Variants in TRDN observed in about 807,000 individuals in gnomAD.
The protein encoded by TRDN is triadin, also known as triadin in skeletal muscle.
A neutral mutation model predicts 149.7 loss-of-function variants in TRDN; 161 were observed. The ratio of observed to expected loss-of-function variants is 1.08; its 90% confidence interval spans 0.95 to 1.23. The LOEUF is 1.23. TRDN is among the 50% of genes most tolerant of loss of function. The pLI is 0.00. For missense variants in TRDN, 896 were observed against 823.5 expected (o/e 1.09, Z -1.08); for synonymous variants, 294 against 250.5 (o/e 1.17, Z -1.64).
chr6:123,359,561 T>G (rs920128632), intron 20 of TRDN, among the ~76,000 whole-genome samples: 1 of 152,076 alleles, frequency 6.6e-6, no homozygotes, highest in Admixed American at 6.6e-5. Flanking sequence ...TAGAAGACAA[T>G]GAAGGCTTGA....
intron 30 of TRDN, among the ~76,000 whole-genome samples, chr6:123,270,450 A>G (rs1777168265): frequency 6.6e-6 from 1 of 151,842 alleles, no homozygotes; most frequent in African/African-American, 2.4e-5. Flanking sequence ...TTTTGGAATG[A>G]TTATTAGTAA....
intron 1 of TRDN, among the ~76,000 whole-genome samples, chr6:123,572,367 A>G (rs1477497516): frequency 6.6e-6 from 1 of 151,918 alleles, no homozygotes; most frequent in Non-Finnish European, 1.5e-5. Flanking sequence ...TTTTAATGCT[A>G]TTTTAATATA....
chr6:123,358,553 C>T (rs1443667390), intron 20 of TRDN, among the ~76,000 whole-genome samples: 1 of 152,080 alleles, frequency 6.6e-6, no homozygotes, highest in Non-Finnish European at 1.5e-5. Context: ...CAACCTCTGC[C>T]TTCTGGGTTC....
chr6:123,626,511 T>G (rs1438841509), intron 1 of TRDN, among the ~76,000 whole-genome samples: 1 of 152,048 alleles, frequency 6.6e-6, no homozygotes, highest in East Asian at 1.9e-4. Flanking sequence ...CTTCATCCAT[T>G]CAAGTTTAAT....
At chr6:123,614,926 T>C (rs1236099511) in intron 1 of TRDN, among the ~76,000 whole-genome samples, 1 of 152,068 alleles carries the variant, frequency 6.6e-6, no homozygotes, top group African/African-American at 2.4e-5. Flanking sequence ...GTCCAGAATA[T>C]ACAAGAAACT....
intron 7 of TRDN, 66 bp from the exon 8 acceptor site, chr6:123,503,967 T>C (rs1441301476): frequency 3.4e-6 from 5 of 1,455,058 alleles, no homozygotes; most frequent in Non-Finnish European, 4.5e-6. Flanking sequence ...TCATCTGTAC[T>C]ATGTCATTAA....
At chr6:123,536,690 T>TAAATAAAC (rs1445299553) in intron 4 of TRDN, among the ~76,000 whole-genome samples, 3 of 128,632 alleles carry the variant, frequency 2.3e-5, no homozygotes, top group Non-Finnish European at 5.0e-5. Flanking sequence ...ATCTCTACAA[T>TAAATAAAC]AAATAAATAA....
chr6:123,503,784 G>A lies in TRDN; in HGVS notation c.728C>T (p.Thr243Ile), dbSNP rs769684583. The change falls in exon 8 of 41, where the codon ACA becomes ATA. Residue 243 changes from threonine (T) to isoleucine (I), a missense_variant. Transcript: ENST00000334268. Reference protein sequence around the residue: ...TAAKVKEVQKTPSKPKEKEDK... With the variant: ...TAAKVKEVQKIPSKPKEKEDK... ...CTCCTTTTCTTTGGGTTTTGATGGT[G>A]TTTTCTGTACTTCTTTTACTTTTGC... is the stretch of plus-strand genomic sequence containing the variant. The A allele has an allele frequency of 1.1e-4, 170 of 1,613,108 alleles. 1 individual carries two copies. In the Admixed American group the frequency reaches 2.8e-3, roughly 26 times the overall value.
At chr6:123,299,630 T>C (rs998729243) in intron 24 of TRDN, among the ~76,000 whole-genome samples, 5 of 152,056 alleles carry the variant, frequency 3.3e-5, no homozygotes, top group African/African-American at 1.2e-4. Context: ...TTATTAAGTA[T>C]CAAGCCTCTT....
chr6:123,350,757 A>C lies in TRDN; in HGVS notation c.1369+1782T>G. Reference sequence around the variant, plus strand: ...TGAGGCCATTGTCATACAATATTTAAAATTGAAATGATTTACCAAGTCAAT... The same window carrying C: ...TGAGGCCATTGTCATACAATATTTACAATTGAAATGATTTACCAAGTCAAT... On this transcript the variant is annotated intron_variant, in intron 21 of 40. Coordinates refer to ENST00000334268, the MANE Select transcript of TRDN (RefSeq NM_006073.4). The C allele has an allele frequency of 3.2e-6, 3 of 935,056 alleles. No homozygotes were observed. In the African/African-American group the frequency reaches 5.3e-5, roughly 17 times the overall value. The allele number at this position is 935,056 out of a possible 1,614,324, so 57.9% of individuals were successfully genotyped here.
At chr6:123,383,178 A>G (rs1781782965) in intron 14 of TRDN, among the ~76,000 whole-genome samples, 6 of 152,052 alleles carry the variant, frequency 3.9e-5, no homozygotes, top group Admixed American at 3.9e-4. Flanking sequence ...CATGATGAAG[A>G]AAGGGAACTA....
At chr6:123,559,977 C>T (rs1326858203) in intron 2 of TRDN, among the ~76,000 whole-genome samples, 2 of 152,192 alleles carry the variant, frequency 1.3e-5, no homozygotes, top group African/African-American at 4.8e-5. Context: ...ATTACCTGGG[C>T]TGTACTGCCA....
At position 123,347,826 on chromosome 6, in the gene TRDN, T is replaced by A. The variant is rs78053621; in HGVS notation, c.1369+4713A>T. On this transcript the variant is annotated intron_variant, in intron 21 of 40. Transcript: ENST00000334268. ...AAAAAGGCAGTGCAAGGCAAATAAG[T>A]AGCCCAGTCACAGAACAAATGATTG... 1.7e-3 allele frequency among the ~76,000 whole-genome samples: 265 copies of A among 152,220 alleles called. 1 individual carries two copies. The highest frequency in any genetic ancestry group is 6.1e-3 in the African/African-American group (253 of 41,566).
intron 38 of TRDN, among the ~76,000 whole-genome samples, chr6:123,240,017 T>A (rs1461256624): frequency 6.6e-6 from 1 of 151,800 alleles, no homozygotes; most frequent in African/African-American, 2.4e-5. Context: ...AAGTAAAAAA[T>A]TTCAGAGTAT....
chr6:123,417,454 T>C (rs1330796783), intron 12 of TRDN, among the ~76,000 whole-genome samples: 1 of 152,204 alleles, frequency 6.6e-6, no homozygotes, highest in East Asian at 1.9e-4. Context: ...CTGGTAGCAA[T>C]GTATATAAAT....
chr6:123,467,127 C>T (rs1320448930), intron 9 of TRDN, among the ~76,000 whole-genome samples: 1 of 151,902 alleles, frequency 6.6e-6, no homozygotes, highest in African/African-American at 2.4e-5. Flanking sequence ...AAGAAGTTCC[C>T]AACATACTGG....
At chr6:123,334,752 C>T (rs1779800213) in intron 22 of TRDN, among the ~76,000 whole-genome samples, 1 of 151,826 alleles carries the variant, frequency 6.6e-6, no homozygotes, top group African/African-American at 2.4e-5. Flanking sequence ...TATGTCCTTA[C>T]TTAAAGGCAA....
At chr6:123,374,271 C>A (rs1405069991) in intron 19 of TRDN, among the ~76,000 whole-genome samples, 1 of 151,900 alleles carries the variant, frequency 6.6e-6, no homozygotes, top group African/African-American at 2.4e-5. Flanking sequence ...TTTTTTATTG[C>A]AAATGAATAT....
At chr6:123,555,810 A>C (rs1482877286) in intron 2 of TRDN, among the ~76,000 whole-genome samples, 2 of 152,170 alleles carry the variant, frequency 1.3e-5, no homozygotes, top group Non-Finnish European at 2.9e-5. Context: ...TAGCAATTTG[A>C]GAGGAACAAA....
Sources: gnomAD v4.1 joint callset for allele counts (sites outside exome capture counted in the v4.1 genomes callset) on GRCh38, gnomAD v4.1.1 for gene constraint, MANE v1.5 for transcripts, NCBI Gene and HGNC (gene_info 2026-07-23, HGNC 2026-07-21) for gene names.